The following KCMF1 variants were observed in gnomAD, a reference collection of about 807,000 sequenced individuals.
The protein encoded by KCMF1 is E3 ubiquitin-protein ligase KCMF1.
KCMF1 carries 3 observed loss-of-function variants against 41.1 expected under a neutral mutation model. The observed-to-expected ratio is 0.07, with a 90% CI of 0.03 to 0.19. The LOEUF is 0.19. Ranked by LOEUF, KCMF1 falls within the 10% of genes least tolerant of loss-of-function variation. The probability of loss-of-function intolerance (pLI) is 1.00; values close to 1 mark genes in which losing one functional copy is unlikely to be tolerated. For synonymous variants in KCMF1, 142 were observed against 164.5 expected, an observed-to-expected ratio of 0.86 and a Z score of 1.04; for missense variants, 286 against 488.9, an observed-to-expected ratio of 0.58 and a Z score of 3.91.
At chr2:85,022,416 G>A (rs894802688) in intron 1 of KCMF1, among the ~76,000 whole-genome samples, 5 of 152,174 alleles carry the variant, frequency 3.3e-5, no homozygotes, top group African/African-American at 1.2e-4. Context: ...CGAGGCTGTA[G>A]TGAGCCGAGA....
chr2:85,032,157 T>C (rs1364840557), intron 2 of KCMF1, among the ~76,000 whole-genome samples: 6 of 151,728 alleles, frequency 4.0e-5, no homozygotes, highest in Admixed American at 3.9e-4. Context: ...CCAAGAGTGG[T>C]TTGTTTTGTT....
In KCMF1 at chr2:84,995,676, A is replaced by T. The variant is rs147834826; in HGVS notation, c.16+24209A>T. The stretch of plus-strand genomic sequence containing the variant: ...TTCTTTTATAAAGAATTCTTGGCTG[A>T]GCACGATGGCTCATGCCTGTAATCC... On this transcript the variant is annotated intron_variant, in intron 1 of 6. Coordinates refer to ENST00000409785, the MANE Select transcript of KCMF1 (RefSeq NM_020122.5). 3.7e-4 allele frequency among the ~76,000 whole-genome samples: 57 copies of T among 152,292 alleles called. 1 individual carries two copies. The highest frequency in any genetic ancestry group is 2.0e-4 in the Admixed American group (3 of 15,294).
At chr2:85,022,713 C>T (rs1434919148) in intron 1 of KCMF1, among the ~76,000 whole-genome samples, 1 of 152,006 alleles carries the variant, frequency 6.6e-6, no homozygotes, top group African/African-American at 2.4e-5. Context: ...GATGTAAAAA[C>T]GTTGCATTTC....
At chr2:84,988,537 G>A (rs558561896) in intron 1 of KCMF1, among the ~76,000 whole-genome samples, 6 of 152,268 alleles carry the variant, frequency 3.9e-5, no homozygotes, top group African/African-American at 9.6e-5. Flanking sequence ...ACCTGGGTTT[G>A]GGTTCTTAAC....
intron 1 of KCMF1, among the ~76,000 whole-genome samples, chr2:85,004,543 G>A (rs373139082): frequency 2.9e-4 from 44 of 152,038 alleles, no homozygotes; most frequent in African/African-American, 1.0e-3. Context: ...AAAAGAGAAA[G>A]CAAAACTTTG....
intron 1 of KCMF1, among the ~76,000 whole-genome samples, chr2:85,014,219 A>G (rs973942015): frequency 5.3e-5 from 8 of 152,230 alleles, no homozygotes; most frequent in African/African-American, 1.9e-4. Flanking sequence ...ATTTCATTCC[A>G]GAGAAGTTGT....
intron 1 of KCMF1, among the ~76,000 whole-genome samples, chr2:85,008,391 T>TC (rs1674563433): frequency 8.3e-6 from 1 of 120,918 alleles, no homozygotes; most frequent in Admixed American, 9.0e-5. Context: ...TTATATATGA[T>TC]ATATATTATA....
chr2:85,058,388 A>G lies in KCMF1; in HGVS notation c.*4979A>G, dbSNP rs1675986884. ...CACAGTGAGACTCTCCTCAAAACAA[A>G]AAAAAAAGAAAGAAAACCCATGTGG... On this transcript the variant is annotated 3_prime_UTR_variant, in exon 7 of 7. Coordinates refer to ENST00000409785, the MANE Select transcript of KCMF1 (RefSeq NM_020122.5). 6.6e-6 allele frequency: 1 copy of G among 152,038 alleles called. No homozygotes were observed. Among genetic ancestry groups the G allele is most frequent in the African/African-American group, 2.4e-5 (1 of 41,366 alleles). 9.4% of individuals were successfully genotyped at this position (152,038 alleles called of 1,614,324 possible).
intron 4 of KCMF1, among the ~76,000 whole-genome samples, chr2:85,044,949 G>T (rs528561794): frequency 2.0e-5 from 3 of 152,126 alleles, no homozygotes; most frequent in Admixed American, 6.6e-5. Flanking sequence ...TGAATTGTTC[G>T]TCTAAAACTG....
intron 1 of KCMF1, among the ~76,000 whole-genome samples, chr2:84,976,334 G>A (rs1214103308): frequency 6.6e-6 from 1 of 151,514 alleles, no homozygotes; most frequent in Non-Finnish European, 1.5e-5. Flanking sequence ...AGCCTCCCGA[G>A]TAGCTCGGAT....
chr2:85,023,529 G>T (rs1383232307), intron 1 of KCMF1, among the ~76,000 whole-genome samples: 1 of 151,764 alleles, frequency 6.6e-6, no homozygotes. Context: ...CACCGTGTTA[G>T]CCAGGATGGT....
intron 1 of KCMF1, among the ~76,000 whole-genome samples, chr2:85,019,952 A>T (rs1016949883): frequency 8.6e-5 from 13 of 150,736 alleles, no homozygotes; most frequent in South Asian, 4.2e-4. Flanking sequence ...TAGTAAATTT[A>T]AAAAAAACCC....
intron 1 of KCMF1, among the ~76,000 whole-genome samples, chr2:84,972,502 G>A (rs1006757794): frequency 1.3e-5 from 2 of 152,194 alleles, no homozygotes; most frequent in Non-Finnish European, 2.9e-5. Flanking sequence ...AAAGTGTTAA[G>A]AGTCTTGGCG....
intron 1 of KCMF1, among the ~76,000 whole-genome samples, chr2:85,027,358 T>C (rs1317685029): frequency 6.7e-6 from 1 of 149,536 alleles, no homozygotes; most frequent in Non-Finnish European, 1.5e-5. Flanking sequence ...CTTGCTGGCT[T>C]ATCAAGGCTT....
chr2:85,010,588 G>A (rs1255290798), intron 1 of KCMF1, among the ~76,000 whole-genome samples: 2 of 152,202 alleles, frequency 1.3e-5, no homozygotes, highest in African/African-American at 4.8e-5. Flanking sequence ...CACTTGAAAT[G>A]TGGCCAGTGC....
chr2:84,971,392 C>T lies in KCMF1; in HGVS notation c.-60C>T. 1 of 1,114,218 alleles carries T rather than the reference C, an allele frequency of 9.0e-7. No homozygotes were observed. Among genetic ancestry groups the T allele is most frequent in the Non-Finnish European group, 1.1e-6 (1 of 907,086 alleles). 69.0% of individuals were successfully genotyped at this position (1,114,218 alleles called of 1,614,324 possible). The stretch of plus-strand genomic sequence containing the variant: ...GGCCGGCGCGGGCAGCGCCGGGACC[C>T]CGCGGGGGACACTGCAGCCGGAGCC... On this transcript the variant is annotated 5_prime_UTR_variant, in exon 1 of 7. Coordinates refer to ENST00000409785, the MANE Select transcript of KCMF1 (RefSeq NM_020122.5).
chr2:85,043,822 C>A (rs748621776), intron 4 of KCMF1, among the ~76,000 whole-genome samples, 157 bp downstream of exon 4: 2 of 152,126 alleles, frequency 1.3e-5, no homozygotes, highest in Non-Finnish European at 2.9e-5. Flanking sequence ...GTAGCTGGGA[C>A]TATAGGCACA....
At chr2:85,052,896 C>G (rs1182709878) in intron 6 of KCMF1, among the ~76,000 whole-genome samples, 1 of 152,082 alleles carries the variant, frequency 6.6e-6, no homozygotes, top group African/African-American at 2.4e-5. Flanking sequence ...TGGAAAAAGT[C>G]TAAATGTCTT....
intron 1 of KCMF1, among the ~76,000 whole-genome samples, chr2:84,983,191 C>T (rs1364916024): frequency 6.6e-6 from 1 of 152,142 alleles, no homozygotes; most frequent in Non-Finnish European, 1.5e-5. Flanking sequence ...ATCTTAAATT[C>T]CCTGGTAGCC....
Sources: gnomAD v4.1 joint callset for allele counts (sites outside exome capture counted in the v4.1 genomes callset) on GRCh38, gnomAD v4.1.1 for gene constraint, MANE v1.5 for transcripts, NCBI Gene and HGNC (gene_info 2026-07-23, HGNC 2026-07-21) for gene names.